HTRA1: variants seen among roughly 807,000 people sequenced by gnomAD.
HTRA1 encodes the protein HtrA serine peptidase 1.
HTRA1 carries 26 observed loss-of-function variants against 49.7 expected under a neutral mutation model. The ratio of observed to expected loss-of-function variants is 0.52; its 90% CI spans 0.38 to 0.73. HTRA1 has a LOEUF of 0.73. Ranked by LOEUF, HTRA1 falls within the 30% of genes least tolerant of loss-of-function variation. The probability of loss-of-function intolerance (pLI) is 0.00; values close to 1 mark genes in which losing one functional copy is unlikely to be tolerated. For missense variants in HTRA1, 561 were observed against 667.2 expected (o/e 0.84, Z 1.75); for synonymous variants, 291 against 286.9 (o/e 1.01, Z -0.14).
At chr10:122,474,758 G>GA (rs890134659) in intron 1 of HTRA1, among the ~76,000 whole-genome samples, 13 of 151,254 alleles carry the variant, frequency 8.6e-5, no homozygotes, top group South Asian at 2.1e-4. Context: ...GGAGGCATCT[G>GA]AAAAAAAAAA....
At position 122,489,017 on chromosome 10, in the gene HTRA1, C is replaced by T. The variant is rs1039034840; in HGVS notation, c.572+16C>T. 3 of 1,586,476 alleles carry T rather than the reference C, an allele frequency of 1.9e-6. No individual in the cohort carries two copies. Among genetic ancestry groups the T allele is most frequent in the Admixed American group, 3.3e-5 (2 of 59,994 alleles). Reference sequence around the variant, plus strand: ...TGTTTCGCAAGTAAAGAGAGCCTTCCTTTTTCCTATAACCTCCGAAGCTTT... The same window carrying T: ...TGTTTCGCAAGTAAAGAGAGCCTTCTTTTTTCCTATAACCTCCGAAGCTTT... On this transcript the variant is annotated intron_variant, in intron 2 of 8. Coordinates refer to ENST00000368984, the MANE Select transcript of HTRA1 (RefSeq NM_002775.5).
chr10:122,464,672 C>T lies in HTRA1; in HGVS notation c.472+2548C>T, dbSNP rs539959291. On this transcript the variant is annotated intron_variant, in intron 1 of 8. Coordinates refer to ENST00000368984, the MANE Select transcript of HTRA1 (RefSeq NM_002775.5). The surrounding 1 kb of genome is among the most constrained non-coding windows in gnomAD (Gnocchi z 4.8). ...ATCTCACACTCCACCCTTGACTTTT[C>T]GGAGGTGTTTCCGAGGACAGGCGCC... is the stretch of plus-strand genomic sequence containing the variant. Among the ~76,000 whole-genome samples, 3 of 152,318 alleles carry T rather than the reference C, an allele frequency of 2.0e-5. No homozygotes were observed. Among genetic ancestry groups the T allele is most frequent in the African/African-American group, 4.8e-5 (2 of 41,566 alleles).
intron 1 of HTRA1, among the ~76,000 whole-genome samples, 184 bp downstream of exon 1, chr10:122,462,308 C>T (rs1005198257): frequency 1.3e-5 from 2 of 152,258 alleles, no homozygotes; most frequent in African/African-American, 2.4e-5. Context: ...AACCGAGCTT[C>T]GCGCCCAGCC....
intron 1 of HTRA1, among the ~76,000 whole-genome samples, chr10:122,463,275 C>A (rs1565405439): frequency 6.6e-6 from 1 of 152,186 alleles, no homozygotes; most frequent in Non-Finnish European, 1.5e-5. Flanking sequence ...GATGCCAGAG[C>A]CGAACTGGGT....
chr10:122,496,928 C>CA (rs1315222751), intron 3 of HTRA1, among the ~76,000 whole-genome samples: 2 of 152,272 alleles, frequency 1.3e-5, no homozygotes, highest in East Asian at 3.9e-4. Flanking sequence ...GGTTCCTACT[C>CA]ATACTCTGGA....
intron 5 of HTRA1, among the ~76,000 whole-genome samples, chr10:122,507,889 A>G (rs1008051663): frequency 1.3e-5 from 2 of 151,060 alleles, no homozygotes; most frequent in Non-Finnish European, 2.9e-5. Flanking sequence ...ATATCACTTA[A>G]GTCTTCCCTT....
intron 4 of HTRA1, 150 bp from the exon 5 acceptor site, chr10:122,507,220 C>T (rs74159167): frequency 1.1e-3 from 780 of 724,086 alleles, no homozygotes; most frequent in African/African-American, 4.2e-3. Context: ...CATTTTTTTC[C>T]GGCAAAATAT....
intron 1 of HTRA1, among the ~76,000 whole-genome samples, chr10:122,462,979 G>A (rs1254000814): frequency 3.3e-5 from 5 of 152,264 alleles, no homozygotes; most frequent in African/African-American, 1.2e-4. Context: ...ACCTTCCGGA[G>A]AGATGCTCCT....
chr10:122,501,774 A>G (rs2097500948), intron 3 of HTRA1, among the ~76,000 whole-genome samples: 1 of 152,016 alleles, frequency 6.6e-6, no homozygotes. Flanking sequence ...GGTCATGGAC[A>G]CAGTCACGTC....
intron 3 of HTRA1, among the ~76,000 whole-genome samples, chr10:122,503,508 A>G (rs1056281547): frequency 6.6e-6 from 1 of 152,176 alleles, no homozygotes; most frequent in Non-Finnish European, 1.5e-5. Context: ...GGCCTGGTCA[A>G]CATCTCTGCC....
Position 122,465,130 on chromosome 10 carries a change from G to A in HTRA1, c.472+3006G>A, listed in dbSNP as rs374075944. 4.6e-5 allele frequency among the ~76,000 whole-genome samples: 7 copies of A among 152,248 alleles called. No individual in the cohort carries two copies. In the East Asian group the frequency reaches 1.2e-3, roughly 25 times the overall value. On this transcript the variant is annotated intron_variant, in intron 1 of 8. Coordinates refer to ENST00000368984, the MANE Select transcript of HTRA1 (RefSeq NM_002775.5). ...AGGAAAGCACTTTCATCTGTAAGCT[G>A]TTTATTGAATAGACCTCAGAGAACA... is the stretch of plus-strand genomic sequence containing the variant.
At position 122,514,184 on chromosome 10, in the gene HTRA1, G is replaced by A. The variant is rs978451829; in HGVS notation, c.1275-7G>A. 4.3e-6 allele frequency: 7 copies of A among 1,613,382 alleles called. No individual in the cohort carries two copies. The highest frequency in any genetic ancestry group is 5.9e-6 in the Non-Finnish European group (7 of 1,179,726). ...ACATTGCCATTGTGTTTCCCTTTGT[G>A]TTGCAGTGGTGGTCTCAAGGAAAAC... On this transcript the variant is annotated splice_region_variant and splice_polypyrimidine_tract_variant and intron_variant, in intron 8 of 8. Transcript: ENST00000368984.
At chr10:122,465,452 C>T (rs1311438071) in intron 1 of HTRA1, among the ~76,000 whole-genome samples, 1 of 152,204 alleles carries the variant, frequency 6.6e-6, no homozygotes, top group Non-Finnish European at 1.5e-5. Flanking sequence ...AGCTGGGCAG[C>T]TAAGTCACAG....
intron 1 of HTRA1, among the ~76,000 whole-genome samples, chr10:122,477,189 G>C (rs564397259): frequency 3.9e-5 from 6 of 151,920 alleles, no homozygotes; most frequent in Admixed American, 1.3e-4. Context: ...GGACGGTCTC[G>C]ATCTCCTGAC....
At chr10:122,501,911 G>A (rs996139336) in intron 3 of HTRA1, among the ~76,000 whole-genome samples, 6 of 146,770 alleles carry the variant, frequency 4.1e-5, no homozygotes, top group African/African-American at 1.5e-4. Flanking sequence ...TTATCAGCCT[G>A]GTACCACCCA....
At chr10:122,465,155 ATC>A (rs1244923034) in intron 1 of HTRA1, among the ~76,000 whole-genome samples, 2 of 152,098 alleles carry the variant, frequency 1.3e-5, no homozygotes, top group Non-Finnish European at 2.9e-5. Context: ...CTCAGAGAAC[ATC>A]TCTGCTCACC....
At chr10:122,476,805 G>A (rs2133913949) in intron 1 of HTRA1, among the ~76,000 whole-genome samples, 1 of 152,192 alleles carries the variant, frequency 6.6e-6, no homozygotes, top group Admixed American at 6.5e-5. Context: ...GCTCTCCCCC[G>A]CCTCTCTGTG....
chr10:122,506,794 C>T lies in HTRA1; in HGVS notation c.881C>T (p.Thr294Ile), dbSNP rs1236189600. ...SPFSLQNTVTTGIVSTTQRGG... is the reference protein window; with the variant it reads ...SPFSLQNTVTIGIVSTTQRGG... ...TTTTCCCTTCAAAACACAGTCACCA[C>T]CGGGATCGTGAGCACCACCCAGCGA... is the stretch of plus-strand genomic sequence containing the variant. The change falls in exon 4 of 9, where the codon ACC (threonine) becomes ATC (isoleucine). Residue 294 changes from threonine (T) to isoleucine (I), a missense_variant. Transcript: ENST00000368984. The surrounding 1 kb of genome is among the most constrained non-coding windows in gnomAD (Gnocchi z 5.2). 1 of 1,613,946 alleles carries T rather than the reference C, an allele frequency of 6.2e-7. No homozygotes were observed. The highest frequency in any genetic ancestry group is 8.5e-7 in the Non-Finnish European group (1 of 1,180,006).
Position 122,514,309 on chromosome 10 carries a change from GGT to G in HTRA1, c.1394_1395del (p.Gly465GlufsTer2), listed in dbSNP as rs1272600548. 6.2e-7 allele frequency: 1 copy of G among 1,614,102 alleles called. No individual in the cohort carries two copies. The highest frequency in any genetic ancestry group is 8.5e-7 in the Non-Finnish European group (1 of 1,180,008). On this transcript the variant is annotated frameshift_variant, in exon 9 of 9. Transcript: ENST00000368984. LOFTEE classifies it high-confidence loss of function. ...ESTLNMVVRR[G>X]NEDIMITVIP... ...CACCCTGAACATGGTGGTCCGCAGG[GGT>G]AATGAAGATATCATGATCACAGTGA...
Sources: gnomAD v4.1 joint callset for allele counts (sites outside exome capture counted in the v4.1 genomes callset) on GRCh38, gnomAD v4.1.1 for gene constraint, Gnocchi (gnomAD v3.1) non-coding constraint, MANE v1.5 for transcripts, NCBI Gene and HGNC (gene_info 2026-07-23, HGNC 2026-07-21) for gene names.